Variants in LOC128462377 observed in about 807,000 individuals in gnomAD.
the LOC128462377 span, among the ~76,000 whole-genome samples, chr16:89,366,617 C>T: frequency 6.6e-6 from 1 of 152,232 alleles, no homozygotes. Flanking sequence ...GTTGAAAAGG[C>T]TGCCATCTTG....
chr16:89,322,013 A>G, the LOC128462377 span, among the ~76,000 whole-genome samples: 1 of 152,246 alleles, frequency 6.6e-6, no homozygotes, highest in Non-Finnish European at 1.5e-5. Flanking sequence ...CTACCCTAAC[A>G]GTAAGAGCAG....
the LOC128462377 span, among the ~76,000 whole-genome samples, chr16:89,328,152 GAT>G: frequency 0.58 from 88,726 of 151,872 alleles, 26,083 homozygotes; most frequent in Middle Eastern, 0.7. Context: ...GCCGCAATGA[GAT>G]ATTACTGCAC....
At chr16:89,333,900 C>A in the LOC128462377 span, among the ~76,000 whole-genome samples, 1 of 152,138 alleles carries the variant, frequency 6.6e-6, no homozygotes, top group East Asian at 1.9e-4. Flanking sequence ...GTGTTGTGAA[C>A]AGAGAGATAA....
At chr16:89,365,635 T>G in the LOC128462377 span, among the ~76,000 whole-genome samples, 1 of 152,214 alleles carries the variant, frequency 6.6e-6, no homozygotes, top group Admixed American at 6.5e-5. Context: ...GGAAGAGCAG[T>G]AAGCCAAGTA....
chr16:89,332,878 G>A, the LOC128462377 span, among the ~76,000 whole-genome samples: 2 of 152,328 alleles, frequency 1.3e-5, no homozygotes, highest in East Asian at 3.9e-4. Context: ...TTACTCCTTA[G>A]GGCTGCTTTG....
chr16:89,338,243 T>C, the LOC128462377 span, among the ~76,000 whole-genome samples: 5 of 152,000 alleles, frequency 3.3e-5, no homozygotes, highest in Non-Finnish European at 5.9e-5. Context: ...TCAGTGTCCA[T>C]GTGCTGCCAT....
the LOC128462377 span, among the ~76,000 whole-genome samples, chr16:89,337,169 G>C: frequency 3.3e-5 from 5 of 152,028 alleles, no homozygotes; most frequent in South Asian, 2.1e-4. Flanking sequence ...CTGGGCAACA[G>C]AGTGAGACCC....
the LOC128462377 span, among the ~76,000 whole-genome samples, chr16:89,345,754 G>GCATGCTGTGCACACCAGGTA: frequency 8.5e-5 from 13 of 152,126 alleles, no homozygotes; most frequent in Non-Finnish European, 1.3e-4. Context: ...CACACCAGGT[G>GCATGCTGTGCACACCAGGTA]CATGCTGTGC....
the LOC128462377 span, among the ~76,000 whole-genome samples, chr16:89,387,437 C>T: frequency 1.3e-5 from 2 of 151,912 alleles, no homozygotes; most frequent in African/African-American, 2.4e-5. Flanking sequence ...CTTTGGGAGG[C>T]TGAGGCGGGC....
At chr16:89,381,331 CA>C in the LOC128462377 span, among the ~76,000 whole-genome samples, 31 of 76,362 alleles carry the variant, frequency 4.1e-4, no homozygotes, top group Middle Eastern at 7.9e-3. Context: ...GACTCTGCTG[CA>C]AAAAAAAAAA....
At chr16:89,387,699 A>G in the LOC128462377 span, among the ~76,000 whole-genome samples, 1 of 146,238 alleles carries the variant, frequency 6.8e-6, no homozygotes, top group African/African-American at 2.5e-5. Context: ...AAAGAAAAAA[A>G]AAAAAAAAAA....
At chr16:89,331,957 C>G in the LOC128462377 span, among the ~76,000 whole-genome samples, 1 of 152,126 alleles carries the variant, frequency 6.6e-6, no homozygotes, top group South Asian at 2.1e-4. Flanking sequence ...TCACCACACT[C>G]TCTCTTAAGA....
At chr16:89,339,476 C>A in the LOC128462377 span, among the ~76,000 whole-genome samples, 1 of 144,202 alleles carries the variant, frequency 6.9e-6, no homozygotes, top group Non-Finnish European at 1.6e-5. Flanking sequence ...GCCCTGAGTG[C>A]ACGCAGCGCA....
chr16:89,317,204 C>A, the LOC128462377 span: 35 of 743,692 alleles, frequency 4.7e-5, 1 homozygote, highest in Admixed American at 6.8e-4. Flanking sequence ...AGGGCTGGGG[C>A]CCGGGCCAGG....
chr16:89,356,968 T>C, the LOC128462377 span, among the ~76,000 whole-genome samples: 2 of 152,148 alleles, frequency 1.3e-5, no homozygotes, highest in Non-Finnish European at 2.9e-5. Flanking sequence ...CCTGTGACCA[T>C]CTTGGAGGGG....
the LOC128462377 span, chr16:89,403,658 G>C: frequency 2.6e-5 from 4 of 152,244 alleles, no homozygotes; most frequent in Admixed American, 6.5e-5. Context: ...AGGTGAGCAC[G>C]ACAGCACGTG....
chr16:89,355,385 G>A, the LOC128462377 span, among the ~76,000 whole-genome samples: 1 of 152,190 alleles, frequency 6.6e-6, no homozygotes, highest in African/African-American at 2.4e-5. Flanking sequence ...CAGAACAGAA[G>A]AGCTGATTAA....
chr16:89,376,256 G>A, the LOC128462377 span, among the ~76,000 whole-genome samples: 1 of 152,278 alleles, frequency 6.6e-6, no homozygotes, highest in South Asian at 2.1e-4. Context: ...AAAGTAAAAG[G>A]AAGGGGAAGC....
the LOC128462377 span, chr16:89,395,801 G>A: frequency 6.6e-6 from 1 of 152,308 alleles, no homozygotes; most frequent in Non-Finnish European, 1.5e-5. Context: ...TGCCTTCTCA[G>A]CTGGGTGACA....
Sources: allele counts gnomAD v4.1 joint callset (sites outside exome capture counted in the v4.1 genomes callset), GRCh38; gene constraint gnomAD v4.1.1; transcripts MANE v1.5.